FBXO16: variants seen among roughly 807,000 people sequenced by gnomAD.
FBXO16 encodes F-box protein 16.
Under a neutral mutation model 41.0 loss-of-function variants are expected in FBXO16, and 31 were observed. The observed-to-expected ratio is 0.76, with a 90% CI of 0.57 to 1.02. The LOEUF (loss-of-function observed/expected upper bound fraction) is 1.02, where lower values mean the gene tolerates loss of function less well. Among genes scored for constraint, FBXO16 ranks in the 50% least tolerant of loss-of-function variants. The pLI is 0.00. For synonymous variants in FBXO16, 133 were observed against 117.8 expected, an observed-to-expected ratio of 1.13 and a Z score of -0.84; for missense variants, 361 against 346.2, an observed-to-expected ratio of 1.04 and a Z score of -0.34.
intron 3 of FBXO16, among the ~76,000 whole-genome samples, chr8:28,464,682 C>G (rs551535844): frequency 1.3e-5 from 2 of 152,096 alleles, no homozygotes; most frequent in South Asian, 4.1e-4. Flanking sequence ...GAGACGGAGT[C>G]TCACTCTGTT....
At chr8:28,474,617 A>C (rs1803394424) in intron 2 of FBXO16, among the ~76,000 whole-genome samples, 1 of 152,176 alleles carries the variant, frequency 6.6e-6, no homozygotes, top group South Asian at 2.1e-4. Context: ...AGATGTGATA[A>C]GTACTCACAT....
At chr8:28,469,863 T>C (rs1254340393) in intron 3 of FBXO16, among the ~76,000 whole-genome samples, 2 of 151,158 alleles carry the variant, frequency 1.3e-5, no homozygotes, top group African/African-American at 4.9e-5. Context: ...ATCGCGCCAA[T>C]GCACTCCAGC....
intron 5 of FBXO16, among the ~76,000 whole-genome samples, chr8:28,454,981 T>C (rs1338547405): frequency 6.6e-6 from 1 of 152,144 alleles, no homozygotes; most frequent in Non-Finnish European, 1.5e-5. Flanking sequence ...AAATATGGAA[T>C]GCTTCATGAA....
chr8:28,472,140 C>A (rs1319878809), intron 3 of FBXO16, among the ~76,000 whole-genome samples: 2 of 152,176 alleles, frequency 1.3e-5, no homozygotes, highest in Non-Finnish European at 2.9e-5. Context: ...GTTGCCCAGG[C>A]TGGAGTGCAC....
At chr8:28,488,322 G>GA (rs1803635977) in intron 1 of FBXO16, among the ~76,000 whole-genome samples, 1 of 112,474 alleles carries the variant, frequency 8.9e-6, no homozygotes, top group South Asian at 2.8e-4. Context: ...TTTTTGACAA[G>GA]GTCTTGCTCT....
In FBXO16 at chr8:28,471,805, C is replaced by CAAAAA. The variant is rs557259701; in HGVS notation, c.135+1962_135+1966dup. Among the ~76,000 whole-genome samples the CAAAAA allele has an allele frequency of 1.8e-3, 42 of 23,748 alleles. 4 individuals carry two copies. Among genetic ancestry groups the CAAAAA allele is most frequent in the African/African-American group, 3.2e-3 (41 of 12,804 alleles). The allele number at this position is 23,748 out of a possible 152,430, so 15.6% of individuals were successfully genotyped here. On this transcript the variant is annotated intron_variant, in intron 3 of 8. Coordinates refer to ENST00000380254, the MANE Select transcript of FBXO16 (RefSeq NM_172366.4). ...CTTGAAGAAAGAAAACAGAGAATCTCAAAAAAAAAAAAAAAAAAAAAAAAA... is the reference window on the plus strand; with the variant it reads ...CTTGAAGAAAGAAAACAGAGAATCTCAAAAAAAAAAAAAAAAAAAAAAAAAAAAAA...
At chr8:28,469,910 A>G (rs1379706026) in intron 3 of FBXO16, among the ~76,000 whole-genome samples, 3 of 147,414 alleles carry the variant, frequency 2.0e-5, no homozygotes, top group East Asian at 4.0e-4. Flanking sequence ...CAAAATAATA[A>G]TAATAATAAT....
Position 28,473,771 on chromosome 8 carries a change from C to T in FBXO16, c.135+1G>A. The stretch of plus-strand genomic sequence containing the variant: ...CAAAAATAGTATTTTTAAATGTTTA[C>T]CCATTTGCCAAGCAGGGCTCTTCTT... On this transcript the variant is annotated splice_donor_variant, in intron 3 of 8. Coordinates refer to ENST00000380254, the MANE Select transcript of FBXO16 (RefSeq NM_172366.4). LOFTEE classifies it high-confidence loss of function. The T allele has an allele frequency of 1.2e-6, 2 of 1,600,530 alleles. No individual in the cohort carries two copies. Among genetic ancestry groups the T allele is most frequent in the Non-Finnish European group, 1.7e-6 (2 of 1,171,018 alleles).
At chr8:28,482,518 C>T (rs1342222443) in intron 2 of FBXO16, among the ~76,000 whole-genome samples, 1 of 152,122 alleles carries the variant, frequency 6.6e-6, no homozygotes, top group Non-Finnish European at 1.5e-5. Flanking sequence ...GTGTATTCCG[C>T]TAGCACCTTC....
Position 28,483,434 on chromosome 8 carries a change from C to A in FBXO16, c.13G>T (p.Ala5Ser), listed in dbSNP as rs1197685536. The A allele has an allele frequency of 6.2e-7, 1 of 1,613,444 alleles. No homozygotes were observed. Among genetic ancestry groups the A allele is most frequent in the African/African-American group, 1.3e-5 (1 of 74,860 alleles). The part of the protein sequence containing the change: MMAF[A>S]PPKNTDGPKM... Reference sequence around the variant, plus strand: ...GGACCATCTGTGTTTTTTGGAGGTGCAAATGCCATCATGAAACAACTGGAT... The same window carrying A: ...GGACCATCTGTGTTTTTTGGAGGTGAAAATGCCATCATGAAACAACTGGAT... Residue 5 changes from alanine to serine, a missense_variant, in exon 2 of 9, where the codon GCA (alanine) becomes TCA (serine). Coordinates refer to ENST00000380254, the MANE Select transcript of FBXO16 (RefSeq NM_172366.4).
chr8:28,473,198 T>G (rs1803365020), intron 3 of FBXO16, among the ~76,000 whole-genome samples: 3 of 152,232 alleles, frequency 2.0e-5, no homozygotes, highest in South Asian at 4.1e-4. Context: ...GAATTATGTC[T>G]GTTAAAATAA....
intron 7 of FBXO16, among the ~76,000 whole-genome samples, chr8:28,432,803 T>A (rs1363176787): frequency 6.6e-6 from 1 of 152,072 alleles, no homozygotes; most frequent in Non-Finnish European, 1.5e-5. Flanking sequence ...ACGCCTGTAA[T>A]CCCAGCACTT....
At chr8:28,448,670 G>C (rs189519765) in intron 6 of FBXO16, among the ~76,000 whole-genome samples, 1 of 152,302 alleles carries the variant, frequency 6.6e-6, no homozygotes, top group East Asian at 1.9e-4. Flanking sequence ...AGACAGGGAA[G>C]TCAAACTGTT....
chr8:28,463,134 TTGTG>T (rs970610190), intron 4 of FBXO16, among the ~76,000 whole-genome samples: 10 of 151,938 alleles, frequency 6.6e-5, no homozygotes, highest in Non-Finnish European at 8.8e-5. Context: ...TTTCTTAGTT[TTGTG>T]TGTGTGTGTA....
At chr8:28,448,332 C>T (rs1316872439) in intron 6 of FBXO16, among the ~76,000 whole-genome samples, 8 of 131,010 alleles carry the variant, frequency 6.1e-5, no homozygotes, top group Admixed American at 8.3e-5. Flanking sequence ...CAGAGTGAGA[C>T]CCTAAATCAA....
intron 7 of FBXO16, among the ~76,000 whole-genome samples, chr8:28,440,744 C>T (rs1802758887): frequency 6.6e-6 from 1 of 152,076 alleles, no homozygotes; most frequent in Admixed American, 6.6e-5. Flanking sequence ...GGTAAGCAGG[C>T]AATTAAAGAC....
intron 2 of FBXO16, among the ~76,000 whole-genome samples, chr8:28,475,093 C>T (rs1329325918): frequency 2.0e-5 from 3 of 152,222 alleles, no homozygotes; most frequent in Non-Finnish European, 4.4e-5. Flanking sequence ...TTTCCCTCCT[C>T]TTGGCACTTG....
chr8:28,429,450 G>T, intron 7 of FBXO16, 47 bp from the exon 8 acceptor site: 1 of 1,609,196 alleles, frequency 6.2e-7, no homozygotes, highest in East Asian at 2.2e-5. Flanking sequence ...GGAAAAGAAA[G>T]AAATAATCCG....
chr8:28,479,703 G>C (rs1803481277), intron 2 of FBXO16, among the ~76,000 whole-genome samples: 1 of 151,900 alleles, frequency 6.6e-6, no homozygotes, highest in Non-Finnish European at 1.5e-5. Context: ...TGTTGAGCTG[G>C]ATAAAAACTA....
Sources: gnomAD v4.1 joint callset for allele counts (sites outside exome capture counted in the v4.1 genomes callset) on GRCh38, gnomAD v4.1.1 for gene constraint, MANE v1.5 for transcripts, NCBI Gene and HGNC (gene_info 2026-07-23, HGNC 2026-07-21) for gene names.